Variants in CYP19A1 observed in about 807,000 individuals in gnomAD.
The protein encoded by CYP19A1 is aromatase.
A neutral mutation model predicts 44.4 loss-of-function variants in CYP19A1; 32 were observed. The observed-to-expected ratio is 0.72, with a 90% CI of 0.54 to 0.97. The LOEUF is 0.97. Ranked by LOEUF, CYP19A1 falls within the 50% of genes least tolerant of loss-of-function variation. The pLI, the probability that CYP19A1 is intolerant of heterozygous loss-of-function variation, is 0.00. For synonymous variants in CYP19A1, 212 were observed against 215.6 expected (o/e 0.98, Z 0.14); for missense variants, 598 against 637.8 (o/e 0.94, Z 0.67).
At chr15:51,292,493 G>C (rs1385928461) in intron 1 of CYP19A1, among the ~76,000 whole-genome samples, 1 of 152,228 alleles carries the variant, frequency 6.6e-6, no homozygotes, top group Non-Finnish European at 1.5e-5. Flanking sequence ...AAAGCTTTCA[G>C]CATTTTCGCA....
At chr15:51,236,146 T>C (rs1031234227) in intron 3 of CYP19A1, among the ~76,000 whole-genome samples, 3 of 152,244 alleles carry the variant, frequency 2.0e-5, no homozygotes, top group African/African-American at 7.2e-5. Context: ...ATATTGTTCC[T>C]GATTTATGTA....
chr15:51,248,244 A>G (rs2034151960), intron 1 of CYP19A1, among the ~76,000 whole-genome samples: 1 of 152,228 alleles, frequency 6.6e-6, no homozygotes, highest in Non-Finnish European at 1.5e-5. Flanking sequence ...GCATGATGCC[A>G]AACAAACCAT....
intron 1 of CYP19A1, among the ~76,000 whole-genome samples, chr15:51,294,877 A>G (rs1439186934): frequency 6.6e-6 from 1 of 151,994 alleles, no homozygotes; most frequent in Admixed American, 6.6e-5. Context: ...TGTGGAATAG[A>G]AAAGGGGGAA....
chr15:51,262,349 T>A (rs2034759177), intron 1 of CYP19A1, among the ~76,000 whole-genome samples: 1 of 152,226 alleles, frequency 6.6e-6, no homozygotes, highest in South Asian at 2.1e-4. Context: ...GACCCCTGAT[T>A]TCCCACTCCA....
intron 1 of CYP19A1, among the ~76,000 whole-genome samples, chr15:51,329,111 A>T (rs2036659242): frequency 6.6e-6 from 1 of 152,044 alleles, no homozygotes; most frequent in East Asian, 1.9e-4. Flanking sequence ...TATACAACCT[A>T]TTGGTTCTGC....
intron 3 of CYP19A1, among the ~76,000 whole-genome samples, chr15:51,228,447 C>T (rs2032770470): frequency 6.6e-6 from 1 of 152,242 alleles, no homozygotes; most frequent in Non-Finnish European, 1.5e-5. Context: ...CACCCAACTC[C>T]AGTCTCTAAT....
intron 1 of CYP19A1, among the ~76,000 whole-genome samples, chr15:51,326,810 A>C (rs1282252123): frequency 2.0e-5 from 3 of 152,214 alleles, no homozygotes; most frequent in African/African-American, 7.2e-5. Flanking sequence ...GAGACCTGAA[A>C]GTACAAGTGT....
chr15:51,324,865 A>T (rs186816516), intron 1 of CYP19A1, among the ~76,000 whole-genome samples: 40 of 152,356 alleles, frequency 2.6e-4, no homozygotes, highest in African/African-American at 9.6e-4. Flanking sequence ...GGAAAACAAA[A>T]GTCAGAGGCA....
chr15:51,325,791 T>C lies in CYP19A1; in HGVS notation c.-39+12704A>G, dbSNP rs187026763. Among the ~76,000 whole-genome samples, 103 of 124,860 alleles carry C rather than the reference T, an allele frequency of 8.2e-4. 1 individual carries two copies. The highest frequency in any genetic ancestry group is 3.2e-3 in the African/African-American group (99 of 30,860). 81.9% of individuals were successfully genotyped at this position (124,860 alleles called of 152,430 possible). On this transcript the variant is annotated intron_variant, in intron 1 of 9. Transcript: ENST00000396402. ...AGTCAGAGGTTGCAGTGAGCCAAGA[T>C]GGCGCCACTGCACTCCAGCCTGGTG...
chr15:51,239,857 C>T (rs8043270), intron 2 of CYP19A1, among the ~76,000 whole-genome samples: 21,743 of 152,154 alleles, frequency 0.14, 2,670 homozygotes, highest in African/African-American at 0.32. Context: ...CCATGCTTTT[C>T]TCCCCCCTAG....
Position 51,307,284 on chromosome 15 carries a change from C to T in CYP19A1, c.-39+31211G>A, listed in dbSNP as rs2036232712. ...AGGAGAGGAGAAGGTGGCATTTGAA[C>T]TACTATATACAGAAAAATCAAAAGG... On this transcript the variant is annotated intron_variant, in intron 1 of 9. Transcript: ENST00000396402. 2.0e-5 allele frequency among the ~76,000 whole-genome samples: 3 copies of T among 152,264 alleles called. No individual in the cohort carries two copies. The South Asian group carries it at 6.2e-4, about 32-fold the overall frequency.
At chr15:51,269,429 G>T (rs28691771) in intron 1 of CYP19A1, among the ~76,000 whole-genome samples, 6 of 151,822 alleles carry the variant, frequency 4.0e-5, no homozygotes, top group African/African-American at 1.5e-4. Flanking sequence ...AGCTATAGTA[G>T]GTCTTGAAAT....
intron 1 of CYP19A1, among the ~76,000 whole-genome samples, chr15:51,250,604 A>G (rs1188273664): frequency 6.6e-6 from 1 of 152,202 alleles, no homozygotes; most frequent in East Asian, 1.9e-4. Flanking sequence ...CTTCTTGATT[A>G]TCTAAGGCAT....
At chr15:51,326,050 G>C (rs1277002086) in intron 1 of CYP19A1, among the ~76,000 whole-genome samples, 2 of 152,058 alleles carry the variant, frequency 1.3e-5, no homozygotes, top group African/African-American at 4.8e-5. Flanking sequence ...GGTTGTATGG[G>C]TACTTGAAGT....
rs77738071 is a variant in CYP19A1 at position 51,227,457 on chromosome 15, G to A, written c.451+322C>T. ...CGAGGCAGGTCAATCGTTTGACTCCGTGAGTTTGAGCCCAGCCTGGTCTCA... is the reference window on the plus strand; with the variant it reads ...CGAGGCAGGTCAATCGTTTGACTCCATGAGTTTGAGCCCAGCCTGGTCTCA... On this transcript the variant is annotated intron_variant, in intron 4 of 9. Transcript: ENST00000396402. Among the ~76,000 whole-genome samples, 371 of 152,072 alleles carry A rather than the reference G, an allele frequency of 2.4e-3. 8 individuals are homozygous for A. Among genetic ancestry groups the A allele is most frequent in the African/African-American group, 8.5e-3 (351 of 41,410 alleles).
At chr15:51,235,581 C>T (rs1472111228) in intron 3 of CYP19A1, among the ~76,000 whole-genome samples, 1 of 152,098 alleles carries the variant, frequency 6.6e-6, no homozygotes, top group African/African-American at 2.4e-5. Flanking sequence ...AACAAAAATC[C>T]CAGGTCAAAA....
chr15:51,329,654 T>C (rs972320039), intron 1 of CYP19A1, among the ~76,000 whole-genome samples: 1 of 152,216 alleles, frequency 6.6e-6, no homozygotes, highest in Non-Finnish European at 1.5e-5. Flanking sequence ...ATGAAACTGA[T>C]CACTCCTCTT....
intron 1 of CYP19A1, among the ~76,000 whole-genome samples, chr15:51,304,826 G>A (rs2036181386): frequency 6.7e-6 from 1 of 149,352 alleles, no homozygotes; most frequent in Non-Finnish European, 1.5e-5. Flanking sequence ...TACAAGGTGA[G>A]CTTTAAAAAT....
chr15:51,281,712 GA>G (rs145444028), intron 1 of CYP19A1, among the ~76,000 whole-genome samples: 5 of 148,514 alleles, frequency 3.4e-5, no homozygotes, highest in Admixed American at 6.7e-5. Flanking sequence ...ATATATGCCA[GA>G]AAAAAAAAAG....
Sources: gnomAD v4.1 joint callset for allele counts (sites outside exome capture counted in the v4.1 genomes callset) on GRCh38, gnomAD v4.1.1 for gene constraint, MANE v1.5 for transcripts, NCBI Gene and HGNC (gene_info 2026-07-23, HGNC 2026-07-21) for gene names.